The following MVB12B variants were observed in gnomAD, a reference collection of about 807,000 sequenced individuals.
MVB12B encodes ESCRT-I complex subunit MVB12B.
Under a neutral mutation model 41.6 loss-of-function variants are expected in MVB12B, and 16 were observed. The ratio of observed to expected loss-of-function variants is 0.38; its 90% confidence interval spans 0.26 to 0.58. The LOEUF is 0.58. MVB12B is among the 20% of genes least tolerant of loss of function. The probability of loss-of-function intolerance (pLI) is 0.62; values close to 1 mark genes in which losing one functional copy is unlikely to be tolerated. For synonymous variants in MVB12B, 133 were observed against 139.7 expected, an observed-to-expected ratio of 0.95 and a Z score of 0.34; for missense variants, 274 against 380.2, an observed-to-expected ratio of 0.72 and a Z score of 2.32.
chr9:126,448,603 G>A (rs1159275357), intron 7 of MVB12B, among the ~76,000 whole-genome samples: 2 of 152,190 alleles, frequency 1.3e-5, no homozygotes, highest in Non-Finnish European at 2.9e-5. Flanking sequence ...TCTGCTCCTG[G>A]TGAGGGCCTC....
chr9:126,503,143 G>T, intron 9 of MVB12B, 34 bp from the exon 10 acceptor site: 1 of 1,529,300 alleles, frequency 6.5e-7, no homozygotes, highest in South Asian at 1.2e-5. Flanking sequence ...CCCATGGACT[G>T]ACTGTGTCTC....
rs1036527190 is a variant in MVB12B, at chr9:126,480,700, G to A, written c.758-669G>A. ...TGAGTGACTGAGAGCGACAGCCACT[G>A]TTGCCCCCACATGCCAAGCACCTGC... On this transcript the variant is annotated intron_variant, in intron 7 of 9. Coordinates refer to ENST00000361171, the MANE Select transcript of MVB12B (RefSeq NM_033446.3). The surrounding 1 kb of genome is among the most constrained non-coding windows in gnomAD (Gnocchi z 4.9). The A allele has an allele frequency of 6.6e-6, 1 of 152,314 alleles. No individual in the cohort carries two copies. Among genetic ancestry groups the A allele is most frequent in the Non-Finnish European group, 1.5e-5 (1 of 68,132 alleles). 9.4% of individuals were successfully genotyped at this position (152,314 alleles called of 1,614,324 possible).
intron 7 of MVB12B, among the ~76,000 whole-genome samples, chr9:126,432,702 G>A (rs1832361405): frequency 6.6e-6 from 1 of 152,202 alleles, no homozygotes; most frequent in Non-Finnish European, 1.5e-5. Flanking sequence ...TCAGCTCACA[G>A]TTACACCTGT....
In MVB12B at chr9:126,326,986, G is replaced by A. The variant is rs1158398135; in HGVS notation, c.57G>A (p.Pro19=). ...GGGACCCGCCGCCGCCGCAGCCACC[G>A]CCGCCGCCGCCCCAGCGGGGAACAG... The part of the protein sequence containing the change: ...RSRDPPPPQP[P]PPPPQRGTDQ... The change falls in exon 1 of 10, where the codon CCG becomes CCA. Residue 19 remains proline, a synonymous_variant. Coordinates refer to ENST00000361171, the MANE Select transcript of MVB12B (RefSeq NM_033446.3). 2.3e-4 allele frequency: 54 copies of A among 239,342 alleles called. No individual in the cohort carries two copies. The highest frequency in any genetic ancestry group is 5.1e-4 in the South Asian group (13 of 25,626). 14.8% of individuals were successfully genotyped at this position (239,342 alleles called of 1,614,324 possible). A position where few individuals can be genotyped will look rare whatever the true frequency, so the allele number is the denominator to read the frequency against.
intron 6 of MVB12B, among the ~76,000 whole-genome samples, chr9:126,411,555 TA>T (rs1286060854): frequency 6.6e-6 from 1 of 152,230 alleles, no homozygotes; most frequent in East Asian, 1.9e-4. Flanking sequence ...AGAAGGTTTA[TA>T]AGATAGTGAA....
intron 2 of MVB12B, among the ~76,000 whole-genome samples, chr9:126,359,694 C>G (rs888614207): frequency 7.2e-5 from 11 of 152,168 alleles, no homozygotes; most frequent in African/African-American, 2.6e-4. Flanking sequence ...CAAAATATTT[C>G]CTTGTTATCC....
intron 2 of MVB12B, among the ~76,000 whole-genome samples, chr9:126,344,709 G>A (rs1829542634): frequency 6.6e-6 from 1 of 152,232 alleles, no homozygotes; most frequent in African/African-American, 2.4e-5. Context: ...CTAAGACTGA[G>A]TAGTTTATAA....
chr9:126,484,046 C>CAGGGG lies in MVB12B; in HGVS notation c.873+24_873+28dup, dbSNP rs1564347705. 6.2e-7 allele frequency: 1 copy of CAGGGG among 1,613,624 alleles called. No homozygotes were observed. Among genetic ancestry groups the CAGGGG allele is most frequent in the Admixed American group, 1.7e-5 (1 of 60,022 alleles). On this transcript the variant is annotated intron_variant, in intron 9 of 9. Transcript: ENST00000361171. ...ATCGAAAAAGAGGTAAGCAAGCCAT[C>CAGGGG]AGGGGAGGGGAGGGCAGGCCTGGGC... is the stretch of plus-strand genomic sequence containing the variant.
intron 2 of MVB12B, among the ~76,000 whole-genome samples, chr9:126,349,114 G>A (rs770691956): frequency 2.0e-5 from 3 of 152,068 alleles, no homozygotes; most frequent in African/African-American, 4.8e-5. Context: ...AGGGAGAAAC[G>A]AGCCAGGAAG....
intron 6 of MVB12B, among the ~76,000 whole-genome samples, chr9:126,418,729 G>C (rs1160045185): frequency 1.3e-5 from 2 of 152,126 alleles, no homozygotes; most frequent in East Asian, 3.9e-4. Flanking sequence ...GAGGAGGTCA[G>C]ACTCCCCACG....
At chr9:126,461,578 TC>T (rs1833090691) in intron 7 of MVB12B, among the ~76,000 whole-genome samples, 1 of 152,218 alleles carries the variant, frequency 6.6e-6, no homozygotes, top group Non-Finnish European at 1.5e-5. Flanking sequence ...TTAACGTTTT[TC>T]TATTGGATTA....
At chr9:126,385,971 A>C (rs941785791) in intron 3 of MVB12B, among the ~76,000 whole-genome samples, 2 of 152,210 alleles carry the variant, frequency 1.3e-5, no homozygotes, top group Non-Finnish European at 2.9e-5. Context: ...CTACCACTAA[A>C]CAGAAACTTT....
intron 9 of MVB12B, among the ~76,000 whole-genome samples, chr9:126,493,320 T>C (rs1454746407): frequency 1.3e-5 from 2 of 152,226 alleles, no homozygotes; most frequent in African/African-American, 4.8e-5. Flanking sequence ...TGGCGATCTT[T>C]CTTTGACTCT....
chr9:126,503,639 T>C lies in MVB12B; in HGVS notation c.*376T>C. 1 of 293,772 alleles carries C rather than the reference T, an allele frequency of 3.4e-6. No individual in the cohort carries two copies. The highest frequency in any genetic ancestry group is 6.4e-6 in the Non-Finnish European group (1 of 155,378). The allele number at this position is 293,772 out of a possible 1,614,324, so 18.2% of individuals were successfully genotyped here. A position where few individuals can be genotyped will look rare whatever the true frequency, so the allele number is the denominator to read the frequency against. On this transcript the variant is annotated 3_prime_UTR_variant, in exon 10 of 10. Transcript: ENST00000361171. ...CACCGGCTCCCTCCGCTCCCTCCTG[T>C]CACCTACCAGGGCAGACCCCACTAA...
chr9:126,503,358 C>T lies in MVB12B; in HGVS notation c.*95C>T, dbSNP rs1317100949. On this transcript the variant is annotated 3_prime_UTR_variant, in exon 10 of 10. Coordinates refer to ENST00000361171, the MANE Select transcript of MVB12B (RefSeq NM_033446.3). Reference sequence around the variant, plus strand: ...CCTCCTCCTGCCGCCTCCGCCAGCCCTCCCTCCCACACTGCCCCAGCAGGG... The same window carrying T: ...CCTCCTCCTGCCGCCTCCGCCAGCCTTCCCTCCCACACTGCCCCAGCAGGG... The T allele has an allele frequency of 2.0e-6, 2 of 1,013,026 alleles. No homozygotes were observed. Among genetic ancestry groups the T allele is most frequent in the African/African-American group, 1.6e-5 (1 of 62,536 alleles). 62.8% of individuals were successfully genotyped at this position (1,013,026 alleles called of 1,614,324 possible). A position where few individuals can be genotyped will look rare whatever the true frequency, so the allele number is the denominator to read the frequency against.
chr9:126,481,202 GGGGT>G, intron 7 of MVB12B, 163 bp from the exon 8 acceptor site: 2 of 663,540 alleles, frequency 3.0e-6, no homozygotes. Context: ...CCTGGCAGCA[GGGGT>G]GGGACCTGTC....
intron 7 of MVB12B, among the ~76,000 whole-genome samples, chr9:126,427,143 G>A (rs1832203710): frequency 1.3e-5 from 2 of 152,260 alleles, no homozygotes; most frequent in Middle Eastern, 3.4e-3. Flanking sequence ...ATAAAATGCT[G>A]TAAACAATGT....
intron 7 of MVB12B, among the ~76,000 whole-genome samples, chr9:126,435,151 A>G (rs1832436136): frequency 6.6e-6 from 1 of 152,166 alleles, no homozygotes; most frequent in Non-Finnish European, 1.5e-5. Context: ...TGTACATGAA[A>G]TACCCAGTGC....
chr9:126,461,964 C>T (rs1833100845), intron 7 of MVB12B, among the ~76,000 whole-genome samples: 1 of 152,238 alleles, frequency 6.6e-6, no homozygotes, highest in Non-Finnish European at 1.5e-5. Context: ...ATTAATAAAG[C>T]AATGATCCAA....
Sources: gnomAD v4.1 joint callset for allele counts (sites outside exome capture counted in the v4.1 genomes callset) on GRCh38, gnomAD v4.1.1 for gene constraint, Gnocchi (gnomAD v3.1) non-coding constraint, MANE v1.5 for transcripts, NCBI Gene and HGNC (gene_info 2026-07-23, HGNC 2026-07-21) for gene names.